The following KLRG2 variants were observed in gnomAD, a reference collection of about 807,000 sequenced individuals.
KLRG2 encodes the protein killer cell lectin like receptor G2, also known as killer cell lectin-like receptor subfamily G member 2.
A neutral mutation model predicts 35.4 loss-of-function variants in KLRG2; 39 were observed. The observed-to-expected ratio is 1.10, with a 90% CI of 0.85 to 1.44. The LOEUF (loss-of-function observed/expected upper bound fraction) is 1.44. KLRG2 is among the 40% of genes most tolerant of loss of function. The pLI, the probability that KLRG2 is intolerant of heterozygous loss-of-function variation, is 0.00. For synonymous variants in KLRG2, 283 were observed against 265.8 expected, an observed-to-expected ratio of 1.06 and a Z score of -0.63; for missense variants, 632 against 570.9, an observed-to-expected ratio of 1.11 and a Z score of -1.09.
At chr7:139,458,457 C>A (rs918687599) in intron 3 of KLRG2, among the ~76,000 whole-genome samples, 1 of 151,998 alleles carries the variant, frequency 6.6e-6, no homozygotes, top group African/African-American at 2.4e-5. Context: ...GTGTACAGTT[C>A]AAGGGCATGA....
chr7:139,473,498 T>C (rs1257932777), intron 3 of KLRG2, among the ~76,000 whole-genome samples: 1 of 151,924 alleles, frequency 6.6e-6, no homozygotes, highest in Non-Finnish European at 1.5e-5. Context: ...CATAGAACAC[T>C]TAATCTGTAA....
chr7:139,482,461 C>T (rs1428981856), intron 1 of KLRG2, among the ~76,000 whole-genome samples: 1 of 151,994 alleles, frequency 6.6e-6, no homozygotes, highest in African/African-American at 2.4e-5. Flanking sequence ...GGCATGATCT[C>T]GGCCCACTGC....
At chr7:139,482,201 C>G (rs1185801612) in intron 1 of KLRG2, among the ~76,000 whole-genome samples, 1 of 152,214 alleles carries the variant, frequency 6.6e-6, no homozygotes, top group Non-Finnish European at 1.5e-5. Flanking sequence ...AAGCAGCAGC[C>G]TGGACCTTCC....
At chr7:139,446,820 T>C in the KLRG2 span, among the ~76,000 whole-genome samples, 11 of 152,014 alleles carry the variant, frequency 7.2e-5, no homozygotes, top group Non-Finnish European at 1.3e-4. Flanking sequence ...ACCCCTGACC[T>C]GCCTGCCTCC....
intron 1 of KLRG2, among the ~76,000 whole-genome samples, chr7:139,481,958 GA>G (rs1265524344): frequency 6.6e-6 from 1 of 151,834 alleles, no homozygotes; most frequent in East Asian, 1.9e-4. Context: ...AAGAAAAAAA[GA>G]AAAAAATTGG....
chr7:139,454,048 A>G (rs1395824059), intron 4 of KLRG2, 63 bp downstream of exon 4: 1 of 1,012,334 alleles, frequency 9.9e-7, no homozygotes, highest in Admixed American at 2.1e-5. Context: ...AAGGAGGTGG[A>G]GTCTGGGGAG....
At chr7:139,480,295 A>T in intron 1 of KLRG2, 48 bp from the exon 2 acceptor site, 1 of 1,038,386 alleles carries the variant, frequency 9.6e-7, no homozygotes, top group South Asian at 1.3e-5. Context: ...GACCATCCCA[A>T]CCAACCCAAC....
chr7:139,474,369 C>T (rs113850031), intron 3 of KLRG2, among the ~76,000 whole-genome samples: 210 of 152,232 alleles, frequency 1.4e-3, no homozygotes, highest in African/African-American at 4.6e-3. Context: ...CTGACAGTCA[C>T]GGAGAATTCT....
At position 139,471,660 on chromosome 7, in the gene KLRG2, C is replaced by CA. The variant is rs1312060252; in HGVS notation, c.1005+7966dup. Among the ~76,000 whole-genome samples, 525 of 139,850 alleles carry CA rather than the reference C, an allele frequency of 3.8e-3. 2 individuals are homozygous for CA. The highest frequency in any genetic ancestry group is 0.012 in the African/African-American group (458 of 38,266). The allele number at this position is 139,850 out of a possible 152,430, so 91.7% of individuals were successfully genotyped here. A position where few individuals can be genotyped will look rare whatever the true frequency, so the allele number is the denominator to read the frequency against. ...TGGACAGCTGAGCGAGACTCGGTCT[C>CA]AAAAAAAAAAAAGAATTCACTTCCT... On this transcript the variant is annotated intron_variant, in intron 3 of 4. Transcript: ENST00000340940.
At chr7:139,456,095 G>A (rs1049860931) in intron 3 of KLRG2, among the ~76,000 whole-genome samples, 3 of 151,996 alleles carry the variant, frequency 2.0e-5, no homozygotes, top group African/African-American at 7.2e-5. Context: ...TCACACTGAG[G>A]CAGGTTAGGA....
intron 3 of KLRG2, among the ~76,000 whole-genome samples, chr7:139,478,393 G>C (rs1796893235): frequency 6.7e-6 from 1 of 149,452 alleles, no homozygotes; most frequent in African/African-American, 2.5e-5. Context: ...GACAACACTG[G>C]ACGCAGTGGC....
chr7:139,437,111 C>T, the KLRG2 span, among the ~76,000 whole-genome samples: 1 of 152,202 alleles, frequency 6.6e-6, no homozygotes, highest in Non-Finnish European at 1.5e-5. Context: ...AGCCTCTAGA[C>T]TCTTCCTACA....
At chr7:139,429,829 C>T in the KLRG2 span, among the ~76,000 whole-genome samples, 2 of 152,172 alleles carry the variant, frequency 1.3e-5, no homozygotes, top group Admixed American at 6.5e-5. Context: ...CTTCCCCCCC[C>T]TTTCTATTCC....
intron 3 of KLRG2, among the ~76,000 whole-genome samples, chr7:139,466,289 G>GGGTCTGAGAAGGCCACCGC (rs1554404106): frequency 1.9e-4 from 29 of 152,264 alleles, no homozygotes; most frequent in Non-Finnish European, 4.0e-4. Flanking sequence ...CTTTCCCACA[G>GGGTCTGAGAAGGCCACCGC]GGTCTGAGAA....
the KLRG2 span, among the ~76,000 whole-genome samples, chr7:139,433,011 A>C: frequency 6.6e-6 from 1 of 152,130 alleles, no homozygotes; most frequent in Non-Finnish European, 1.5e-5. Context: ...TTCTCAAGAT[A>C]ATCACTATTC....
At chr7:139,447,076 G>A in the KLRG2 span, among the ~76,000 whole-genome samples, 1 of 152,110 alleles carries the variant, frequency 6.6e-6, no homozygotes, top group African/African-American at 2.4e-5. Flanking sequence ...CACATCAGTG[G>A]TGTTTACTCC....
At chr7:139,476,621 G>T (rs142244174) in intron 3 of KLRG2, among the ~76,000 whole-genome samples, 8 of 152,172 alleles carry the variant, frequency 5.3e-5, no homozygotes, top group Middle Eastern at 6.8e-3. Context: ...TGTATTTTTA[G>T]TAGAGACGGG....
At position 139,483,522 on chromosome 7, in the gene KLRG2, G is replaced by T; in HGVS notation, c.121C>A (p.Pro41Thr). The T allele has an allele frequency of 6.3e-7, 1 of 1,599,122 alleles. No homozygotes were observed. Among genetic ancestry groups the T allele is most frequent in the Non-Finnish European group, 8.5e-7 (1 of 1,178,894 alleles). Residue 41 changes from proline to threonine, a missense_variant, in exon 1 of 5, where the codon CCT becomes ACT. Transcript: ENST00000340940. ...QPQVPAKVRQPEGPESSPSPA... is the reference protein window; with the variant it reads ...QPQVPAKVRQTEGPESSPSPA... ...CTTGGGCTGCTTTCGGGACCTTCAG[G>T]TTGTCGCACCTTCGCGGGCACCTGC... is the stretch of plus-strand genomic sequence containing the variant.
chr7:139,483,280 G>T lies in KLRG2; in HGVS notation c.363C>A (p.Pro121=), dbSNP rs753168941. The T allele has an allele frequency of 9.0e-6, 14 of 1,559,484 alleles. No homozygotes were observed. Among genetic ancestry groups the T allele is most frequent in the Middle Eastern group, 1.8e-4 (1 of 5,682 alleles). ...CGCGCACATCTACCTGCAGCTCCAT[G>T]GGCGCCCAGGCGCTGGGCGCAGGCT... ...GAEPAPSAWA[P]MELQVDVRVK... The change falls in exon 1 of 5, where the codon CCC becomes CCA. Residue 121 remains proline (P), a synonymous_variant. Transcript: ENST00000340940.
Sources: gnomAD v4.1 joint callset for allele counts (sites outside exome capture counted in the v4.1 genomes callset) on GRCh38, gnomAD v4.1.1 for gene constraint, MANE v1.5 for transcripts, NCBI Gene and HGNC (gene_info 2026-07-23, HGNC 2026-07-21) for gene names.